The following MBNL2 variants were observed in gnomAD, a reference collection of about 807,000 sequenced individuals.
The protein encoded by MBNL2 is muscleblind like splicing regulator 2.
MBNL2 carries 17 observed loss-of-function variants against 41.9 expected under a neutral mutation model. The observed-to-expected ratio is 0.41, with a 90% CI of 0.28 to 0.61. The LOEUF (loss-of-function observed/expected upper bound fraction) is 0.61. MBNL2 is among the 20% of genes least tolerant of loss of function. MBNL2 has a pLI of 0.35. For synonymous variants in MBNL2, 195 were observed against 182.9 expected (o/e 1.07, Z -0.53); for missense variants, 336 against 505.6 (o/e 0.66, Z 3.22).
chr13:97,240,223 C>T (rs928168270), intron 1 of MBNL2, among the ~76,000 whole-genome samples: 2 of 152,250 alleles, frequency 1.3e-5, no homozygotes, highest in Non-Finnish European at 2.9e-5. Flanking sequence ...TATTCACAGA[C>T]CTCCTGGCAC....
At chr13:97,377,777 A>G (rs548795237) in intron 8 of MBNL2, among the ~76,000 whole-genome samples, 2 of 152,334 alleles carry the variant, frequency 1.3e-5, no homozygotes, top group South Asian at 4.1e-4. Flanking sequence ...AAAAAAGTTA[A>G]AATAGGGAAA....
chr13:97,386,705 C>T (rs2065948593), intron 8 of MBNL2, among the ~76,000 whole-genome samples: 1 of 152,162 alleles, frequency 6.6e-6, no homozygotes, highest in Non-Finnish European at 1.5e-5. Context: ...GCTTTGTCTT[C>T]AACAAGTAAA....
At chr13:97,264,761 G>C (rs116017393) in intron 1 of MBNL2, among the ~76,000 whole-genome samples, 1,674 of 152,322 alleles carry the variant, frequency 0.011, 27 homozygotes, top group African/African-American at 0.038. Context: ...ACTGGAGAGA[G>C]AGAAAAAGAC....
intron 8 of MBNL2, among the ~76,000 whole-genome samples, chr13:97,374,438 C>G (rs912347897): frequency 2.0e-5 from 3 of 149,662 alleles, no homozygotes; most frequent in Non-Finnish European, 3.0e-5. Context: ...TGAGCCACCG[C>G]GCCCGGCCGC....
At chr13:97,382,825 A>AT (rs1189495166) in intron 8 of MBNL2, among the ~76,000 whole-genome samples, 8 of 151,750 alleles carry the variant, frequency 5.3e-5, no homozygotes, top group African/African-American at 1.7e-4. Context: ...TGCCTGGCTA[A>AT]TTTTTTTGTA....
chr13:97,150,046 C>A, the MBNL2 span, among the ~76,000 whole-genome samples: 1 of 152,214 alleles, frequency 6.6e-6, no homozygotes, highest in Non-Finnish European at 1.5e-5. Flanking sequence ...CAGCAACAGG[C>A]GTGCTTTTGT....
chr13:97,347,084 G>A lies in MBNL2; in HGVS notation c.804+17G>A, dbSNP rs923167293. On this transcript the variant is annotated intron_variant, in intron 5 of 8. Transcript: ENST00000679496. ...ACAGTCATGGTAAGTGCGGCCGCCC[G>A]CCGCCCCTGCACCCCGGCGCCTCTG... is the stretch of plus-strand genomic sequence containing the variant. The A allele has an allele frequency of 1.7e-5, 26 of 1,523,020 alleles. No homozygotes were observed. The highest frequency in any genetic ancestry group is 4.6e-4 in the Middle Eastern group (2 of 4,308). The allele number at this position is 1,523,020 out of a possible 1,614,324, so 94.3% of individuals were successfully genotyped here. A position where few individuals can be genotyped will look rare whatever the true frequency, so the allele number is the denominator to read the frequency against.
chr13:97,152,401 T>G, the MBNL2 span, among the ~76,000 whole-genome samples: 1 of 151,986 alleles, frequency 6.6e-6, no homozygotes, highest in Non-Finnish European at 1.5e-5. Flanking sequence ...ACAAATAAAA[T>G]TTTGAAAAGT....
chr13:97,357,550 C>A lies in MBNL2; in HGVS notation c.927C>A (p.Ser309Arg). ...CACTTGAAAAAAGCAATGGTACCAG[C>A]GCGGTCTTTAACCCCAGCGTCTTGC... Reference protein sequence around the residue: ...RQALEKSNGTSAVFNPSVLHY... With the variant: ...RQALEKSNGTRAVFNPSVLHY... The change falls in exon 7 of 9, where the codon AGC becomes AGA. Residue 309 changes from serine to arginine, a missense_variant. Transcript: ENST00000679496. The A allele has an allele frequency of 6.2e-7, 1 of 1,613,968 alleles. No individual in the cohort carries two copies. The highest frequency in any genetic ancestry group is 8.5e-7 in the Non-Finnish European group (1 of 1,179,898).
At chr13:97,238,185 A>G (rs1231721346) in intron 1 of MBNL2, among the ~76,000 whole-genome samples, 5 of 152,174 alleles carry the variant, frequency 3.3e-5, no homozygotes, top group Admixed American at 6.5e-5. Flanking sequence ...TATATTTGGA[A>G]TTCATCCACA....
At chr13:97,151,375 G>A in the MBNL2 span, among the ~76,000 whole-genome samples, 1 of 152,090 alleles carries the variant, frequency 6.6e-6, no homozygotes, top group Non-Finnish European at 1.5e-5. Flanking sequence ...GGCAGATGAT[G>A]ACAAGTATAT....
intron 8 of MBNL2, among the ~76,000 whole-genome samples, chr13:97,377,450 T>C (rs994797840): frequency 9.9e-5 from 15 of 152,214 alleles, no homozygotes; most frequent in African/African-American, 3.4e-4. Flanking sequence ...ATTTGAACTT[T>C]GTTCAATAAA....
chr13:97,304,998 T>G (rs1263508449), intron 2 of MBNL2, among the ~76,000 whole-genome samples: 1 of 152,032 alleles, frequency 6.6e-6, no homozygotes, highest in Non-Finnish European at 1.5e-5. Flanking sequence ...ATCTGCTGCT[T>G]AAAAAAAATA....
At chr13:97,342,020 A>G (rs2061479672) in intron 3 of MBNL2, among the ~76,000 whole-genome samples, 1 of 152,222 alleles carries the variant, frequency 6.6e-6, no homozygotes, top group Admixed American at 6.5e-5. Context: ...GTTAAAAATC[A>G]TCTATAATTA....
the MBNL2 span, among the ~76,000 whole-genome samples, chr13:97,205,213 A>G: frequency 1.4e-5 from 2 of 142,810 alleles, no homozygotes; most frequent in African/African-American, 5.3e-5. Flanking sequence ...AATTATTTAT[A>G]TATTTATATT....
the MBNL2 span, among the ~76,000 whole-genome samples, chr13:97,157,204 T>G: frequency 6.9e-6 from 1 of 143,972 alleles, no homozygotes; most frequent in Non-Finnish European, 1.5e-5. Context: ...TTGTCTGTTG[T>G]TGGTGTATAG....
intron 1 of MBNL2, among the ~76,000 whole-genome samples, chr13:97,262,042 G>A (rs72637449): frequency 0.011 from 1,632 of 152,154 alleles, 13 homozygotes; most frequent in Non-Finnish European, 0.017. Flanking sequence ...GAAGCAGGTG[G>A]TCTCCCACCC....
chr13:97,343,055 G>A lies in MBNL2; in HGVS notation c.379G>A (p.Ala127Thr), dbSNP rs765472259. ...PVGPAIGTNT[A>T]ISFAPYLAPV... ...AGGTCCCGCGATAGGGACAAATACGGCTATTAGCTTTGCTCCTTACCTAGC... is the reference window on the plus strand; with the variant it reads ...AGGTCCCGCGATAGGGACAAATACGACTATTAGCTTTGCTCCTTACCTAGC... Residue 127 changes from alanine to threonine, a missense_variant, in exon 4 of 9, where the codon GCT (alanine) becomes ACT (threonine). Transcript: ENST00000679496. The A allele has an allele frequency of 1.9e-6, 3 of 1,613,866 alleles. No homozygotes were observed. Among genetic ancestry groups the A allele is most frequent in the Admixed American group, 3.3e-5 (2 of 60,000 alleles).
intron 5 of MBNL2, among the ~76,000 whole-genome samples, chr13:97,351,603 A>C (rs1014019527): frequency 6.6e-6 from 1 of 152,102 alleles, no homozygotes; most frequent in Admixed American, 6.5e-5. Flanking sequence ...ATGCTCTTTT[A>C]TGTTATGGAG....
Sources: gnomAD v4.1 joint callset for allele counts (sites outside exome capture counted in the v4.1 genomes callset) on GRCh38, gnomAD v4.1.1 for gene constraint, MANE v1.5 for transcripts, NCBI Gene and HGNC (gene_info 2026-07-23, HGNC 2026-07-21) for gene names.